Variants in YWHAE observed in about 807,000 individuals in gnomAD.
YWHAE encodes 14-3-3 protein epsilon.
YWHAE carries 4 observed loss-of-function variants against 30.1 expected under a neutral mutation model. The ratio of observed to expected loss-of-function variants is 0.13; its 90% CI spans 0.07 to 0.30. YWHAE has a LOEUF of 0.30. Ranked by LOEUF, YWHAE falls within the 10% of genes least tolerant of loss-of-function variation. The pLI is 1.00. For synonymous variants in YWHAE, 118 were observed against 111.8 expected (o/e 1.06, Z -0.35); for missense variants, 121 against 315.9 (o/e 0.38, Z 4.68).
At chr17:1,346,623 T>C (rs1335018842) in intron 5 of YWHAE, among the ~76,000 whole-genome samples, 2 of 152,192 alleles carry the variant, frequency 1.3e-5, no homozygotes, top group Admixed American at 1.3e-4. Flanking sequence ...GCGGAAACGC[T>C]TGACATTGCT....
intron 1 of YWHAE, among the ~76,000 whole-genome samples, chr17:1,365,802 G>A (rs1473224380): frequency 6.6e-6 from 1 of 152,092 alleles, no homozygotes; most frequent in East Asian, 1.9e-4. Flanking sequence ...TTCAATCTTT[G>A]GTGATGAGAC....
chr17:1,351,806 T>C (rs1181600057), intron 5 of YWHAE, among the ~76,000 whole-genome samples: 1 of 152,066 alleles, frequency 6.6e-6, no homozygotes, highest in East Asian at 1.9e-4. Flanking sequence ...AGTCCTGCTC[T>C]ATGAAGCCTC....
At chr17:1,394,614 A>T (rs923897097) in intron 1 of YWHAE, among the ~76,000 whole-genome samples, 57 of 151,472 alleles carry the variant, frequency 3.8e-4, no homozygotes, top group Middle Eastern at 3.4e-3. Flanking sequence ...TCAAAAAAAA[A>T]TTTTTTTTTA....
intron 4 of YWHAE, among the ~76,000 whole-genome samples, chr17:1,357,702 G>A (rs2072777201): frequency 6.6e-6 from 1 of 152,040 alleles, no homozygotes; most frequent in Non-Finnish European, 1.5e-5. Context: ...GAGGTGGCTG[G>A]ATCACTTAAG....
Position 1,354,120 on chromosome 17 carries a change from T to C in YWHAE, c.715+91A>G, listed in dbSNP as rs149090930. The C allele has an allele frequency of 2.8e-4, 415 of 1,480,704 alleles. 3 individuals are homozygous for C. In the East Asian group the frequency reaches 9.4e-3, roughly 34 times the overall value. 91.7% of individuals were successfully genotyped at this position (1,480,704 alleles called of 1,614,324 possible). ...CAGGCGGTGAATCTAAATTCTAGCT[T>C]GATATAACGACAAGCCAAGGAATGT... On this transcript the variant is annotated intron_variant, in intron 5 of 5. Coordinates refer to ENST00000264335, the MANE Select transcript of YWHAE (RefSeq NM_006761.5).
chr17:1,388,566 T>C (rs114542237), intron 1 of YWHAE, among the ~76,000 whole-genome samples: 1,956 of 124,138 alleles, frequency 0.016, 39 homozygotes, highest in African/African-American at 0.053. Context: ...GAGCAAACCA[T>C]GCCCAGCCTT....
At chr17:1,353,667 G>A (rs975218914) in intron 5 of YWHAE, among the ~76,000 whole-genome samples, 2 of 151,832 alleles carry the variant, frequency 1.3e-5, no homozygotes, top group Non-Finnish European at 2.9e-5. Context: ...GGGAAGCTGA[G>A]GCAGGAGAAT....
intron 1 of YWHAE, among the ~76,000 whole-genome samples, chr17:1,384,643 G>A (rs566602892): frequency 6.6e-6 from 1 of 152,178 alleles, no homozygotes; most frequent in Admixed American, 6.5e-5. Flanking sequence ...TCACCAGGCT[G>A]GTCTTGAACT....
chr17:1,388,291 C>T (rs2073338217), intron 1 of YWHAE, among the ~76,000 whole-genome samples: 1 of 150,216 alleles, frequency 6.7e-6, no homozygotes. Flanking sequence ...CTGAGTTGGG[C>T]GGATCGTGAG....
At chr17:1,375,248 A>G (rs570636476) in intron 1 of YWHAE, among the ~76,000 whole-genome samples, 4 of 152,300 alleles carry the variant, frequency 2.6e-5, no homozygotes, top group South Asian at 2.1e-4. Flanking sequence ...CATAATACTA[A>G]TGATAATGTA....
At chr17:1,366,411 G>A (rs34742881) in intron 1 of YWHAE, among the ~76,000 whole-genome samples, 5,519 of 151,610 alleles carry the variant, frequency 0.036, 116 homozygotes, top group East Asian at 0.052. Context: ...GGTGGTGCGC[G>A]CCTGTAATTA....
intron 5 of YWHAE, among the ~76,000 whole-genome samples, chr17:1,353,516 AC>A (rs2072676340): frequency 6.6e-6 from 1 of 151,990 alleles, no homozygotes; most frequent in South Asian, 2.1e-4. Flanking sequence ...TAATCCCTGC[AC>A]TTTGGGAGGC....
At chr17:1,349,233 C>CT (rs2072578797) in intron 5 of YWHAE, among the ~76,000 whole-genome samples, 2 of 151,918 alleles carry the variant, frequency 1.3e-5, no homozygotes, top group South Asian at 4.2e-4. Context: ...CCCAGCAACT[C>CT]AGAGAGGACG....
At chr17:1,394,367 C>T (rs111763154) in intron 1 of YWHAE, among the ~76,000 whole-genome samples, 1,742 of 140,610 alleles carry the variant, frequency 0.012, 9 homozygotes, top group Non-Finnish European at 0.02. Flanking sequence ...AATCCCAGCA[C>T]TTTGGGAGGC....
Position 1,370,978 on chromosome 17 carries a change from G to A in YWHAE, c.65-5920C>T, listed in dbSNP as rs535526802. On this transcript the variant is annotated intron_variant, in intron 1 of 5. Transcript: ENST00000264335. ...AGTGCCACTGCACTCCAGCCTGGGC[G>A]ACACAGCGAGACTCCTTCTCAAAAA... Among the ~76,000 whole-genome samples the A allele has an allele frequency of 1.5e-4, 23 of 152,152 alleles. No individual in the cohort carries two copies. The South Asian group carries it at 3.3e-3, about 22-fold the overall frequency.
At chr17:1,360,096 G>C (rs2072839701) in intron 4 of YWHAE, among the ~76,000 whole-genome samples, 1 of 152,000 alleles carries the variant, frequency 6.6e-6, no homozygotes, top group African/African-American at 2.4e-5. Flanking sequence ...CCGAGTAACT[G>C]GGATTGCAGG....
chr17:1,355,141 A>T (rs1260791735), intron 4 of YWHAE, among the ~76,000 whole-genome samples: 1 of 107,936 alleles, frequency 9.3e-6, no homozygotes, highest in Non-Finnish European at 1.9e-5. Context: ...AAAAAAAAAA[A>T]AAAAAAATTT....
chr17:1,394,798 C>G (rs2073443310), intron 1 of YWHAE, among the ~76,000 whole-genome samples: 1 of 151,098 alleles, frequency 6.6e-6, no homozygotes. Flanking sequence ...GAAACCCCAT[C>G]TCTACTAAAA....
intron 4 of YWHAE, among the ~76,000 whole-genome samples, chr17:1,360,639 C>T (rs150098864): frequency 0.012 from 1,876 of 151,962 alleles, 16 homozygotes; most frequent in African/African-American, 0.031. Flanking sequence ...GGTGGCAGGC[C>T]CCTGTAACTC....
Sources: gnomAD v4.1 joint callset for allele counts (sites outside exome capture counted in the v4.1 genomes callset) on GRCh38, gnomAD v4.1.1 for gene constraint, MANE v1.5 for transcripts, NCBI Gene and HGNC (gene_info 2026-07-23, HGNC 2026-07-21) for gene names.